Variants in NAALADL2 observed in about 807,000 individuals in gnomAD.
NAALADL2 encodes the protein N-acetylated alpha-linked acidic dipeptidase like 2, also known as inactive N-acetylated-alpha-linked acidic dipeptidase-like protein 2.
Under a neutral mutation model 87.2 loss-of-function variants are expected in NAALADL2, and 76 were observed. That is an observed-to-expected ratio of 0.87 (90% confidence interval 0.72 to 1.05). The LOEUF is 1.05. Ranked by LOEUF, NAALADL2 falls within the 50% of genes least tolerant of loss-of-function variation. The pLI is 0.00. For missense variants in NAALADL2, 1,089 were observed against 945.8 expected (o/e 1.15, Z -1.99); for synonymous variants, 354 against 331.0 (o/e 1.07, Z -0.75).
At chr3:175,636,760 C>A (rs1728622398) in intron 11 of NAALADL2, among the ~76,000 whole-genome samples, 2 of 151,096 alleles carry the variant, frequency 1.3e-5, no homozygotes, top group African/African-American at 4.9e-5. Flanking sequence ...TTTAAGAAAC[C>A]CCACTAATGT....
At chr3:175,272,534 A>G (rs1752993372) in intron 4 of NAALADL2, among the ~76,000 whole-genome samples, 1 of 152,126 alleles carries the variant, frequency 6.6e-6, no homozygotes, top group South Asian at 2.1e-4. Flanking sequence ...GCTTTAAGCA[A>G]TTTATTCAAT....
chr3:174,695,764 T>C (rs936842467), intron 2 of NAALADL2, among the ~76,000 whole-genome samples: 3 of 152,062 alleles, frequency 2.0e-5, no homozygotes, highest in Non-Finnish European at 2.9e-5. Flanking sequence ...AGCAATGCAA[T>C]TTCCTACCAT....
intron 2 of NAALADL2, among the ~76,000 whole-genome samples, chr3:174,650,038 CAAT>C (rs1430572093): frequency 6.7e-6 from 1 of 149,106 alleles, no homozygotes; most frequent in African/African-American, 2.6e-5. Flanking sequence ...GGCAAGTCAT[CAAT>C]AATAAGATAA....
chr3:175,737,611 G>T (rs933280783), intron 12 of NAALADL2, among the ~76,000 whole-genome samples: 15 of 148,896 alleles, frequency 1.0e-4, no homozygotes, highest in Admixed American at 4.0e-4. Context: ...GAGAATATCA[G>T]ATTTTGAAGG....
intron 10 of NAALADL2, among the ~76,000 whole-genome samples, chr3:175,593,782 AC>A (rs889001345): frequency 6.1e-5 from 9 of 146,494 alleles, no homozygotes; most frequent in Non-Finnish European, 9.1e-5. Context: ...CAAAAAAAAA[AC>A]CTCCCGTTAA....
chr3:174,580,075 T>G (rs554086271), intron 2 of NAALADL2, among the ~76,000 whole-genome samples: 114 of 152,116 alleles, frequency 7.5e-4, no homozygotes, highest in African/African-American at 2.6e-3. Flanking sequence ...TTTAAGAAAC[T>G]GATGGGGTTT....
At chr3:175,035,912 G>A (rs887256434) in intron 1 of NAALADL2, among the ~76,000 whole-genome samples, 1 of 152,080 alleles carries the variant, frequency 6.6e-6, no homozygotes, top group Admixed American at 6.6e-5. Flanking sequence ...GAAACTGCCT[G>A]TTCTCTTCTG....
chr3:174,646,287 C>G (rs1456820775), intron 2 of NAALADL2, among the ~76,000 whole-genome samples: 1 of 151,848 alleles, frequency 6.6e-6, no homozygotes, highest in Non-Finnish European at 1.5e-5. Flanking sequence ...TAAAATAAAA[C>G]CAGGTTTGAG....
chr3:175,091,199 A>G (rs1027694166), intron 1 of NAALADL2, among the ~76,000 whole-genome samples: 5 of 152,102 alleles, frequency 3.3e-5, no homozygotes, highest in Middle Eastern at 3.2e-3. Context: ...TTAAACTTAG[A>G]TTTAAAAATT....
Position 174,575,852 on chromosome 3 carries a change from A to ATATAG in NAALADL2, c.-115+25217_-115+25221dup, listed in dbSNP as rs1473979562. ...AGACACTGAGCCAGGCATTGAGTAT[A>ATATAG]TATAGTTTGTTTGTTTGTTTATTTA... On this transcript the variant is annotated intron_variant, in intron 2 of 3. Coordinates refer to the NAALADL2 transcript ENST00000434257. Among the ~76,000 whole-genome samples, 23 of 152,144 alleles carry ATATAG rather than the reference A, an allele frequency of 1.5e-4. 1 individual carries two copies. Among genetic ancestry groups the ATATAG allele is most frequent in the Admixed American group, 1.2e-3 (19 of 15,254 alleles).
chr3:175,576,946 G>C (rs928058887), intron 10 of NAALADL2, among the ~76,000 whole-genome samples: 1 of 152,130 alleles, frequency 6.6e-6, no homozygotes, highest in Non-Finnish European at 1.5e-5. Flanking sequence ...AAATATAAAT[G>C]TTCCTCAGAA....
At chr3:175,580,212 C>T (rs945108695) in intron 10 of NAALADL2, among the ~76,000 whole-genome samples, 1 of 151,732 alleles carries the variant, frequency 6.6e-6, no homozygotes, top group African/African-American at 2.4e-5. Flanking sequence ...ATTTTTAAAG[C>T]AATATACAGC....
At chr3:174,771,073 C>T (rs1714490653) in intron 3 of NAALADL2, among the ~76,000 whole-genome samples, 1 of 152,036 alleles carries the variant, frequency 6.6e-6, no homozygotes, top group South Asian at 2.1e-4. Context: ...TACTGAATTT[C>T]TTCGATGTTC....
chr3:175,564,769 G>A (rs976851470), intron 9 of NAALADL2, among the ~76,000 whole-genome samples: 1 of 152,202 alleles, frequency 6.6e-6, no homozygotes, highest in East Asian at 1.9e-4. Context: ...TTTATCCAGT[G>A]TCTTGGCCAA....
At chr3:175,395,733 A>C (rs939683998) in intron 5 of NAALADL2, among the ~76,000 whole-genome samples, 1 of 152,242 alleles carries the variant, frequency 6.6e-6, no homozygotes, top group Non-Finnish European at 1.5e-5. Flanking sequence ...CATACTCATG[A>C]TAATAATGAT....
At chr3:174,926,744 C>A (rs1381208095) in intron 1 of NAALADL2, among the ~76,000 whole-genome samples, 1 of 152,088 alleles carries the variant, frequency 6.6e-6, no homozygotes, top group Non-Finnish European at 1.5e-5. Flanking sequence ...CCAGCTCCTG[C>A]AAAAACATGA....
At chr3:174,743,450 A>G (rs905366480) in intron 3 of NAALADL2, among the ~76,000 whole-genome samples, 8 of 151,856 alleles carry the variant, frequency 5.3e-5, no homozygotes, top group African/African-American at 1.7e-4. Flanking sequence ...TACTAAATAA[A>G]TAATGAAAAA....
At chr3:175,435,714 G>C (rs908269488) in intron 5 of NAALADL2, among the ~76,000 whole-genome samples, 9 of 151,912 alleles carry the variant, frequency 5.9e-5, no homozygotes, top group African/African-American at 2.2e-4. Context: ...AAACATAAAA[G>C]AAAAATATTT....
At chr3:175,206,266 T>A (rs866769892) in intron 2 of NAALADL2, among the ~76,000 whole-genome samples, 6,510 of 100,794 alleles carry the variant, frequency 0.065, 624 homozygotes, top group African/African-American at 0.18. Flanking sequence ...ATATATATTT[T>A]TTTTTTTCAC....
Sources: gnomAD v4.1 joint callset for allele counts (sites outside exome capture counted in the v4.1 genomes callset) on GRCh38, gnomAD v4.1.1 for gene constraint, MANE v1.5 for transcripts, NCBI Gene and HGNC (gene_info 2026-07-23, HGNC 2026-07-21) for gene names.